IFI27L1: variants seen among roughly 807,000 people sequenced by gnomAD.
IFI27L1 encodes interferon alpha-inducible protein 27-like protein 1.
A neutral mutation model predicts 9.2 loss-of-function variants in IFI27L1; 3 were observed. That is an observed-to-expected ratio of 0.32 (90% confidence interval 0.15 to 0.84). The LOEUF (loss-of-function observed/expected upper bound fraction) is 0.84. IFI27L1 is among the 40% of genes least tolerant of loss of function. The probability of loss-of-function intolerance (pLI) is 0.56; values close to 1 mark genes in which losing one functional copy is unlikely to be tolerated. For missense variants in IFI27L1, 133 were observed against 134.2 expected (o/e 0.99, Z 0.05); for synonymous variants, 53 against 50.0 (o/e 1.06, Z -0.26).
chr14:94,090,680 A>G (rs1886445853), intron 1 of IFI27L1, among the ~76,000 whole-genome samples: 1 of 152,170 alleles, frequency 6.6e-6, no homozygotes, highest in Non-Finnish European at 1.5e-5. Flanking sequence ...TGTAGGCAAG[A>G]TACGAGGCTA....
intron 1 of IFI27L1, among the ~76,000 whole-genome samples, chr14:94,090,386 A>G (rs553770699): frequency 3.9e-5 from 6 of 152,312 alleles, no homozygotes; most frequent in Admixed American, 3.3e-4. Context: ...AACAAATCAT[A>G]ATTTGACAGA....
intron 1 of IFI27L1, among the ~76,000 whole-genome samples, chr14:94,095,779 C>G (rs1886646165): frequency 6.6e-6 from 1 of 152,160 alleles, no homozygotes; most frequent in Non-Finnish European, 1.5e-5. Context: ...GACCTGAGCA[C>G]CTCCCACCAA....
At chr14:94,099,500 G>A (rs530176822) in intron 2 of IFI27L1, among the ~76,000 whole-genome samples, 2 of 152,252 alleles carry the variant, frequency 1.3e-5, no homozygotes, top group South Asian at 2.1e-4. Context: ...TGCAGCCACA[G>A]GCCCGGAGCA....
At chr14:94,099,651 G>A (rs111686083) in intron 2 of IFI27L1, among the ~76,000 whole-genome samples, 4,145 of 152,210 alleles carry the variant, frequency 0.027, 87 homozygotes, top group Non-Finnish European at 0.041. Flanking sequence ...GATTTCTGTT[G>A]TTTGAAGCCA....
At chr14:94,097,629 G>C (rs1258001643) in intron 2 of IFI27L1, 1 of 702,328 alleles carries the variant, frequency 1.4e-6, no homozygotes, top group Non-Finnish European at 2.6e-6. Context: ...CTTGGTCCGG[G>C]ACTGGAGCTG....
chr14:94,100,763 T>C lies in IFI27L1; in HGVS notation c.53T>C (p.Val18Ala). Residue 18 changes from valine (V) to alanine (A), a missense_variant, in exon 3 of 5, where the codon GTC becomes GCC. Transcript: ENST00000555523. Reference protein sequence around the residue: ...DSGRAAVAAVVGGVVAVGTVL... With the variant: ...DSGRAAVAAVAGGVVAVGTVL... ...GGCAGGGCTGCTGTAGCAGCTGTGG[T>C]CGGAGGAGGTGAGTCTCTATGGGAA... 1.2e-6 allele frequency: 2 copies of C among 1,613,590 alleles called. No individual in the cohort carries two copies. The highest frequency in any genetic ancestry group is 1.7e-5 in the Admixed American group (1 of 60,000).
intron 2 of IFI27L1, chr14:94,097,489 T>TA (rs1886714520): frequency 1.7e-6 from 1 of 602,526 alleles, no homozygotes; most frequent in South Asian, 2.0e-5. Context: ...ACAACTTTCA[T>TA]AGCAGGAAGG....
rs76935921 is a variant in IFI27L1 at position 94,099,617 on chromosome 14, C to A, written c.29-1122C>A. ...TTGCTGACTCCTGGATTGTGGACTTCCAGCCTCCAGAACTGAGAGAATTGA... is the reference window on the plus strand; with the variant it reads ...TTGCTGACTCCTGGATTGTGGACTTACAGCCTCCAGAACTGAGAGAATTGA... On this transcript the variant is annotated intron_variant, in intron 2 of 4. Coordinates refer to ENST00000555523, the MANE Select transcript of IFI27L1 (RefSeq NM_206949.3). Among the ~76,000 whole-genome samples the A allele has an allele frequency of 3.3e-5, 5 of 152,204 alleles. No homozygotes were observed. The East Asian group carries it at 9.7e-4, about 29-fold the overall frequency.
At chr14:94,095,078 G>A (rs1886620257) in intron 1 of IFI27L1, among the ~76,000 whole-genome samples, 2 of 152,036 alleles carry the variant, frequency 1.3e-5, no homozygotes, top group African/African-American at 4.8e-5. Flanking sequence ...TGTGTTGCCC[G>A]GGCTGGAGTG....
chr14:94,091,008 C>T (rs1253349807), intron 1 of IFI27L1, among the ~76,000 whole-genome samples: 1 of 152,128 alleles, frequency 6.6e-6, no homozygotes, highest in Non-Finnish European at 1.5e-5. Flanking sequence ...TGTAAAAGAT[C>T]AGGAAAAAGT....
At chr14:94,100,806 C>A (rs1448636173) in intron 3 of IFI27L1, 35 bp downstream of exon 3, 15 of 1,608,400 alleles carry the variant, frequency 9.3e-6, no homozygotes, top group Non-Finnish European at 1.3e-5. Flanking sequence ...AAGCCCCCAT[C>A]CCCCGCCTCC....
chr14:94,088,682 C>A (rs995486583), intron 1 of IFI27L1, among the ~76,000 whole-genome samples: 4 of 152,154 alleles, frequency 2.6e-5, no homozygotes, highest in African/African-American at 9.7e-5. Flanking sequence ...CAGCTGAACT[C>A]TGACTAATAG....
At chr14:94,083,006 T>C (rs897889082) in intron 1 of IFI27L1, among the ~76,000 whole-genome samples, 1 of 152,252 alleles carries the variant, frequency 6.6e-6, no homozygotes, top group Non-Finnish European at 1.5e-5. Context: ...CAAAGTATAT[T>C]GAAAACCTTC....
intron 1 of IFI27L1, among the ~76,000 whole-genome samples, chr14:94,082,831 T>C (rs1886155156): frequency 6.6e-6 from 1 of 152,234 alleles, no homozygotes; most frequent in African/African-American, 2.4e-5. Context: ...AGAGCTCTAA[T>C]GGAGATGTAT....
chr14:94,089,002 G>A (rs1425294879), intron 1 of IFI27L1: 1 of 152,104 alleles, frequency 6.6e-6, no homozygotes, highest in East Asian at 1.9e-4. Flanking sequence ...TGTTCATGGT[G>A]TTTTTTTGTT....
chr14:94,097,610 C>T (rs937131347), intron 2 of IFI27L1: 17 of 701,930 alleles, frequency 2.4e-5, no homozygotes, highest in East Asian at 1.6e-4. Flanking sequence ...CACTGAGAGA[C>T]GCGGGTGGCT....
At chr14:94,097,175 C>T (rs1344933556) in intron 2 of IFI27L1, among the ~76,000 whole-genome samples, 2 of 152,186 alleles carry the variant, frequency 1.3e-5, no homozygotes, top group African/African-American at 4.8e-5. Context: ...CAGATGTACC[C>T]AGGAAGGCAA....
chr14:94,101,336 GCTCT>G (rs1162003095), intron 3 of IFI27L1: 1 of 215,404 alleles, frequency 4.6e-6, no homozygotes. Context: ...ATTGCAGATG[GCTCT>G]CTGACTGCAC....
Position 94,091,634 on chromosome 14 carries a change from A to G in IFI27L1, c.-51-5253A>G, listed in dbSNP as rs561417449. On this transcript the variant is annotated intron_variant, in intron 1 of 4. Transcript: ENST00000555523. ...AAATATCAGAGGTTTAAAACACTTG[A>G]TATTATAAAATCAAATCCCAGGTCA... Among the ~76,000 whole-genome samples, 3 of 152,278 alleles carry G rather than the reference A, an allele frequency of 2.0e-5. No homozygotes were observed. In the South Asian group the frequency reaches 6.2e-4, roughly 32 times the overall value.
Sources: gnomAD v4.1 joint callset for allele counts (sites outside exome capture counted in the v4.1 genomes callset) on GRCh38, gnomAD v4.1.1 for gene constraint, MANE v1.5 for transcripts, NCBI Gene and HGNC (gene_info 2026-07-23, HGNC 2026-07-21) for gene names.